The following CCNH variants were observed in gnomAD, a reference collection of about 807,000 sequenced individuals.
CCNH encodes the protein cyclin-H.
In CCNH, 31 loss-of-function variants were observed where a neutral mutation model predicts 41.9. The ratio of observed to expected loss-of-function variants is 0.74; its 90% CI spans 0.56 to 1.00. The LOEUF (loss-of-function observed/expected upper bound fraction) is 1.00. CCNH is among the 50% of genes least tolerant of loss of function. The probability of loss-of-function intolerance (pLI) is 0.00; values close to 1 mark genes in which losing one functional copy is unlikely to be tolerated. For synonymous variants in CCNH, 138 were observed against 136.1 expected, an observed-to-expected ratio of 1.01 and a Z score of -0.10; for missense variants, 362 against 388.4, an observed-to-expected ratio of 0.93 and a Z score of 0.57.
chr5:87,337,770 T>C (rs574588720), intron 9 of CCNH, among the ~76,000 whole-genome samples: 38 of 152,196 alleles, frequency 2.5e-4, no homozygotes, highest in African/African-American at 7.7e-4. Context: ...ACTCATGAGG[T>C]AATTAAAATT....
At chr5:87,356,171 A>G (rs1390346888) in intron 9 of CCNH, among the ~76,000 whole-genome samples, 1 of 152,188 alleles carries the variant, frequency 6.6e-6, no homozygotes, top group African/African-American at 2.4e-5. Context: ...AAGAAGTTCA[A>G]CTGTGGGTAA....
intron 5 of CCNH, 23 bp from the exon 6 acceptor site, chr5:87,401,795 A>T: frequency 7.0e-7 from 1 of 1,420,794 alleles, no homozygotes; most frequent in Non-Finnish European, 9.6e-7. Flanking sequence ...AGAAAAAAAA[A>T]TCTATTGAAA....
intron 9 of CCNH, among the ~76,000 whole-genome samples, chr5:87,324,733 T>G (rs1454146140): frequency 6.6e-6 from 1 of 152,146 alleles, no homozygotes; most frequent in African/African-American, 2.4e-5. Context: ...AAACACGCCC[T>G]CTTCTCCCCT....
intron 9 of CCNH, chr5:87,363,500 G>C (rs1760267373): frequency 1.2e-6 from 2 of 1,610,788 alleles, no homozygotes; most frequent in East Asian, 4.5e-5. Context: ...TAGTCTCTTT[G>C]GCAGGTAAGA....
At chr5:87,349,095 G>C in intron 9 of CCNH, 1 of 1,228,744 alleles carries the variant, frequency 8.1e-7, no homozygotes, top group Non-Finnish European at 1.1e-6. Context: ...AAAAAAACAA[G>C]TTCCTGGTGA....
chr5:87,395,233 A>AAGAT (rs1279518793), intron 7 of CCNH, 129 bp from the exon 8 acceptor site: 1 of 646,348 alleles, frequency 1.5e-6, no homozygotes, highest in Non-Finnish European at 2.6e-6. Flanking sequence ...TAAATGGAAA[A>AAGAT]AGATAAACAG....
In CCNH at chr5:87,395,126, TAAGC is replaced by T; in HGVS notation, c.873-26_873-23del. On this transcript the variant is annotated intron_variant, in intron 7 of 8. Coordinates refer to ENST00000256897, the MANE Select transcript of CCNH (RefSeq NM_001239.4). ...CTTCCTATAATTAAGCAACTATCAATAAGCAATCCAATACCAGCCACAGAAACTA... is the reference window on the plus strand; with the variant it reads ...CTTCCTATAATTAAGCAACTATCAATAATCCAATACCAGCCACAGAAACTA... 3 of 1,600,572 alleles carry T rather than the reference TAAGC, an allele frequency of 1.9e-6. No homozygotes were observed. The South Asian group carries it at 3.3e-5, about 18-fold the overall frequency.
At chr5:87,359,554 C>A (rs536305804) in intron 9 of CCNH, among the ~76,000 whole-genome samples, 18 of 151,888 alleles carry the variant, frequency 1.2e-4, no homozygotes, top group African/African-American at 3.9e-4. Context: ...TATTTAAATC[C>A]AAATATTAGT....
chr5:87,390,532 G>A (rs554002263), downstream of CCNH, among the ~76,000 whole-genome samples: 1 of 152,006 alleles, frequency 6.6e-6, no homozygotes, highest in South Asian at 2.1e-4. Context: ...CTGACAACAT[G>A]TGATAGTGTG....
intron 9 of CCNH, among the ~76,000 whole-genome samples, chr5:87,324,024 A>G (rs1328885592): frequency 6.6e-6 from 1 of 152,188 alleles, no homozygotes; most frequent in Non-Finnish European, 1.5e-5. Flanking sequence ...ATGTAGCACA[A>G]TGCTTGGCAC....
chr5:87,408,192 G>C lies in CCNH; in HGVS notation c.315-6C>G. The stretch of plus-strand genomic sequence containing the variant: ...CCAAAAATGCACAAGTGAGCCTAGA[G>C]GAAAAAATAAGGAGGCAGGAGGCAG... On this transcript the variant is annotated splice_region_variant and splice_polypyrimidine_tract_variant and intron_variant, in intron 3 of 8. Coordinates refer to ENST00000256897, the MANE Select transcript of CCNH (RefSeq NM_001239.4). 6.5e-7 allele frequency: 1 copy of C among 1,530,978 alleles called. No homozygotes were observed. The highest frequency in any genetic ancestry group is 8.9e-7 in the Non-Finnish European group (1 of 1,127,894). 94.8% of individuals were successfully genotyped at this position (1,530,978 alleles called of 1,614,324 possible).
At chr5:87,373,982 AAT>A (rs368144828), downstream of CCNH, among the ~76,000 whole-genome samples, 838 of 151,938 alleles carry the variant, frequency 5.5e-3, 6 homozygotes, top group South Asian at 0.015. Flanking sequence ...AATTATTTTA[AAT>A]GTCTGAATGT....
At chr5:87,338,919 G>A (rs956950555) in intron 9 of CCNH, among the ~76,000 whole-genome samples, 1 of 151,846 alleles carries the variant, frequency 6.6e-6, no homozygotes, top group African/African-American at 2.4e-5. Flanking sequence ...ACGTTATCAT[G>A]GTATCAATTA....
the CCNH span, among the ~76,000 whole-genome samples, chr5:87,312,368 AT>A: frequency 6.6e-6 from 1 of 152,076 alleles, no homozygotes; most frequent in Non-Finnish European, 1.5e-5. Context: ...CTTCTCATAA[AT>A]TTTTTTTGGA....
intron 9 of CCNH, chr5:87,331,249 T>G (rs767838565): frequency 2.4e-6 from 3 of 1,236,272 alleles, no homozygotes; most frequent in Non-Finnish European, 3.6e-6. Flanking sequence ...TTAAGTTACA[T>G]GTAGGCATTT....
chr5:87,378,832 A>AG, upstream of CCNH, among the ~76,000 whole-genome samples: 1 of 152,314 alleles, frequency 6.6e-6, no homozygotes, highest in African/African-American at 2.4e-5. Flanking sequence ...GAAAGCGTGC[A>AG]TAAGATAAAT....
intron 9 of CCNH, among the ~76,000 whole-genome samples, chr5:87,340,879 A>G (rs1758381810): frequency 6.6e-6 from 1 of 152,170 alleles, no homozygotes; most frequent in Non-Finnish European, 1.5e-5. Context: ...AATTGGTAGT[A>G]TGAGACAGGA....
intron 9 of CCNH, chr5:87,330,811 C>A: frequency 2.0e-6 from 1 of 504,452 alleles, no homozygotes; most frequent in Non-Finnish European, 3.2e-6. Context: ...ATCTTAGAGC[C>A]AAAGGGATTA....
At chr5:87,314,025 C>T (rs966128347), downstream of CCNH, among the ~76,000 whole-genome samples, 9 of 151,902 alleles carry the variant, frequency 5.9e-5, no homozygotes, top group Non-Finnish European at 1.0e-4. Context: ...AAAAATGAGC[C>T]AGGCGTGGTG....
Sources: gnomAD v4.1 joint callset for allele counts (sites outside exome capture counted in the v4.1 genomes callset) on GRCh38, gnomAD v4.1.1 for gene constraint, MANE v1.5 for transcripts, NCBI Gene and HGNC (gene_info 2026-07-23, HGNC 2026-07-21) for gene names.